The following PECR variants were observed in gnomAD, a reference collection of about 807,000 sequenced individuals.
PECR encodes the protein 2,4-dienoyl-CoA reductase-related protein.
PECR carries 30 observed loss-of-function variants against 35.3 expected under a neutral mutation model. The ratio of observed to expected loss-of-function variants is 0.85; its 90% CI spans 0.64 to 1.15. The LOEUF is 1.15. Ranked by LOEUF, PECR falls within the 50% of genes most tolerant of loss-of-function variation. The pLI, the probability that PECR is intolerant of heterozygous loss-of-function variation, is 0.00. For missense variants in PECR, 392 were observed against 370.8 expected (o/e 1.06, Z -0.47); for synonymous variants, 148 against 138.9 (o/e 1.07, Z -0.46).
chr2:216,051,594 T>C, intron 4 of PECR, 49 bp from the exon 5 acceptor site: 1 of 1,157,012 alleles, frequency 8.6e-7, no homozygotes, highest in Non-Finnish European at 1.3e-6. Flanking sequence ...GTTGAATATT[T>C]CTCTTGTTCA....
intron 6 of PECR, among the ~76,000 whole-genome samples, chr2:216,046,173 A>G (rs1352560880): frequency 6.6e-6 from 1 of 150,552 alleles, no homozygotes; most frequent in Non-Finnish European, 1.5e-5. Flanking sequence ...ATTTATGTTA[A>G]CATGTACTCC....
intron 7 of PECR, 95 bp downstream of exon 7, chr2:216,043,809 A>AC: frequency 9.9e-6 from 7 of 709,250 alleles, no homozygotes; most frequent in Non-Finnish European, 1.8e-5. Flanking sequence ...ATAAGAGAGC[A>AC]CCCTCATCTC....
intron 4 of PECR, among the ~76,000 whole-genome samples, chr2:216,051,974 GTCA>G (rs1360022005): frequency 3.9e-5 from 6 of 152,160 alleles, no homozygotes; most frequent in Admixed American, 1.3e-4. Flanking sequence ...ATCACCTGAG[GTCA>G]AGAGTTCAAG....
At chr2:216,053,561 G>C (rs1695163879) in intron 4 of PECR, among the ~76,000 whole-genome samples, 1 of 151,908 alleles carries the variant, frequency 6.6e-6, no homozygotes, top group Non-Finnish European at 1.5e-5. Flanking sequence ...TTCAGATTTT[G>C]GAATATTTGC....
At chr2:216,046,673 T>C (rs113911355) in intron 6 of PECR, among the ~76,000 whole-genome samples, 4 of 152,256 alleles carry the variant, frequency 2.6e-5, no homozygotes, top group African/African-American at 9.6e-5. Context: ...ATTCATTAAA[T>C]ATTACTCTTA....
chr2:216,074,853 A>G (rs1395769835), intron 1 of PECR, among the ~76,000 whole-genome samples: 1 of 152,256 alleles, frequency 6.6e-6, no homozygotes, highest in Non-Finnish European at 1.5e-5. Context: ...AGGGAAAAAC[A>G]ATGCAATGCT....
intron 7 of PECR, among the ~76,000 whole-genome samples, chr2:216,030,296 A>AG (rs1351781423): frequency 2.6e-5 from 4 of 152,212 alleles, no homozygotes; most frequent in Non-Finnish European, 5.9e-5. Context: ...CTCTCAGTAC[A>AG]GGGCAGGGGT....
At chr2:216,074,441 AAAAAGAAAGAAAAGAAAG>A (rs139561686) in intron 1 of PECR, among the ~76,000 whole-genome samples, 1 of 149,952 alleles carries the variant, frequency 6.7e-6, no homozygotes, top group African/African-American at 2.5e-5. Context: ...AGAAAGAAAG[AAAAAGAAAGAAAAGAAAG>A]AAAAGAAAGA....
downstream of PECR, among the ~76,000 whole-genome samples, chr2:216,037,811 G>A (rs12993915): frequency 1.3e-3 from 194 of 152,176 alleles, 1 homozygote; most frequent in Admixed American, 2.9e-3. Context: ...CAGGCCGGGC[G>A]TGGTGGCTCT....
intron 3 of PECR, among the ~76,000 whole-genome samples, chr2:216,062,646 T>G (rs1695378909): frequency 6.6e-6 from 1 of 152,076 alleles, no homozygotes; most frequent in African/African-American, 2.4e-5. Context: ...TATGGTCATA[T>G]TAGAAAAAGT....
intron 3 of PECR, among the ~76,000 whole-genome samples, chr2:216,060,652 G>A (rs975512518): frequency 1.3e-5 from 2 of 152,044 alleles, no homozygotes; most frequent in African/African-American, 4.8e-5. Flanking sequence ...GGGTGACAGA[G>A]CAAGACTCTC....
intron 1 of PECR, among the ~76,000 whole-genome samples, chr2:216,081,257 G>A (rs1695840346): frequency 6.6e-6 from 1 of 152,198 alleles, no homozygotes; most frequent in Non-Finnish European, 1.5e-5. Context: ...ACTTTTTCCA[G>A]TTAAATGAAG....
intron 3 of PECR, among the ~76,000 whole-genome samples, chr2:216,064,524 G>A (rs1473761902): frequency 6.6e-6 from 1 of 152,180 alleles, no homozygotes; most frequent in Non-Finnish European, 1.5e-5. Context: ...AGGATCTTCA[G>A]TTCCTAATGA....
intron 4 of PECR, among the ~76,000 whole-genome samples, chr2:216,056,487 G>A (rs1353913016): frequency 1.3e-5 from 2 of 152,110 alleles, no homozygotes; most frequent in Admixed American, 1.3e-4. Flanking sequence ...TTGGGAGGCT[G>A]AGGCAGGTGG....
At chr2:216,052,008 GAAACCCCATCTCTACTAA>G (rs1695125691) in intron 4 of PECR, among the ~76,000 whole-genome samples, 1 of 152,138 alleles carries the variant, frequency 6.6e-6, no homozygotes, top group Non-Finnish European at 1.5e-5. Flanking sequence ...CCAACATGGT[GAAACCCCATCTCTACTAA>G]AAATACAAAA....
At chr2:216,080,849 C>T (rs910582495) in intron 1 of PECR, among the ~76,000 whole-genome samples, 2 of 152,050 alleles carry the variant, frequency 1.3e-5, no homozygotes, top group South Asian at 2.1e-4. Context: ...TTTGTAAGAG[C>T]TCTTTATGTA....
Position 216,049,354 on chromosome 2 carries a change from G to A in PECR, c.623C>T (p.Thr208Ile). Reference sequence around the variant, plus strand: ...CCAGGAACCATAGTTCTCCACAGCAGTCTGGGAATAAATAACTCCCTGTGT... The same window carrying A: ...CCAGGAACCATAGTTCTCCACAGCAATCTGGGAATAAATAACTCCCTGTGT... ...CVAPGVIYSQ[T>I]AVENYGSWGQ... The change falls in exon 6 of 8, where the codon ACT (threonine) becomes ATT (isoleucine). Residue 208 changes from threonine (T) to isoleucine (I), a missense_variant. Transcript: ENST00000265322. The A allele has an allele frequency of 6.4e-7, 1 of 1,554,094 alleles. No homozygotes were observed. Among genetic ancestry groups the A allele is most frequent in the South Asian group, 1.1e-5 (1 of 89,878 alleles).
At chr2:216,077,332 C>T (rs936507120) in intron 1 of PECR, among the ~76,000 whole-genome samples, 4 of 149,876 alleles carry the variant, frequency 2.7e-5, no homozygotes, top group African/African-American at 9.9e-5. Context: ...CGGTGAAACC[C>T]CCGTCTCTAC....
intron 6 of PECR, among the ~76,000 whole-genome samples, chr2:216,044,302 A>C (rs1694952409): frequency 6.6e-6 from 1 of 152,180 alleles, no homozygotes; most frequent in Non-Finnish European, 1.5e-5. Flanking sequence ...AGAAGCCATA[A>C]GTGAACTCAG....
Sources: allele counts gnomAD v4.1 joint callset (sites outside exome capture counted in the v4.1 genomes callset), GRCh38; gene constraint gnomAD v4.1.1; transcripts MANE v1.5; gene names NCBI Gene and HGNC (gene_info 2026-07-23, HGNC 2026-07-21).